Variants in TFAP4 observed in about 807,000 individuals in gnomAD.
The protein encoded by TFAP4 is transcription factor AP-4, also known as activating enhancer-binding protein 4.
In TFAP4, 7 loss-of-function variants were observed where a neutral mutation model predicts 40.4. That is an observed-to-expected ratio of 0.17 (90% confidence interval 0.10 to 0.33). The LOEUF is 0.33. Among genes scored for constraint, TFAP4 ranks in the 10% least tolerant of loss-of-function variants. The pLI, the probability that TFAP4 is intolerant of heterozygous loss-of-function variation, is 1.00. For missense variants in TFAP4, 374 were observed against 451.1 expected (o/e 0.83, Z 1.55); for synonymous variants, 218 against 181.4 (o/e 1.20, Z -1.62).
chr16:4,259,098 G>GA (rs1243088046), intron 6 of TFAP4, among the ~76,000 whole-genome samples: 17 of 145,798 alleles, frequency 1.2e-4, no homozygotes, highest in East Asian at 3.9e-4. Flanking sequence ...CAAAAAAAAA[G>GA]AAAAAAAAAG....
chr16:4,268,317 C>G (rs185079772), intron 1 of TFAP4, among the ~76,000 whole-genome samples: 1 of 152,180 alleles, frequency 6.6e-6, no homozygotes, highest in South Asian at 2.1e-4. Context: ...GTAATCCCAG[C>G]TACTCGGGAG....
chr16:4,257,924 A>G lies in TFAP4; in HGVS notation c.*131T>C. 1.1e-6 allele frequency: 1 copy of G among 875,390 alleles called. No individual in the cohort carries two copies. The allele number at this position is 875,390 out of a possible 1,614,324, so 54.2% of individuals were successfully genotyped here. A position where few individuals can be genotyped will look rare whatever the true frequency, so the allele number is the denominator to read the frequency against. On this transcript the variant is annotated 3_prime_UTR_variant, in exon 7 of 7. Transcript: ENST00000204517. ...AAAGGTCGATTTACAGTATTGAAAA[A>G]GAGGTCATAAAAGAGACCCAAATGA...
intron 1 of TFAP4, 72 bp downstream of exon 1, chr16:4,272,586 G>A (rs1182525332): frequency 7.8e-7 from 1 of 1,275,980 alleles, no homozygotes; most frequent in Non-Finnish European, 1.1e-6. Context: ...GTGCGCACAC[G>A]CGCGCCCGCC....
rs1224449971 is a variant in TFAP4, at chr16:4,257,825, G to A, written c.*230C>T. The A allele has an allele frequency of 2.0e-5, 8 of 408,744 alleles. 1 individual carries two copies. In the South Asian group the frequency reaches 2.3e-4, roughly 12 times the overall value. The allele number at this position is 408,744 out of a possible 1,614,324, so 25.3% of individuals were successfully genotyped here. Reference sequence around the variant, plus strand: ...CTCCAGCCCCCGGGGCCGAGGCCCCGCCCTGGGGTGCCGATGCTCCCACAC... The same window carrying A: ...CTCCAGCCCCCGGGGCCGAGGCCCCACCCTGGGGTGCCGATGCTCCCACAC... On this transcript the variant is annotated 3_prime_UTR_variant, in exon 7 of 7. Transcript: ENST00000204517.
intron 1 of TFAP4, among the ~76,000 whole-genome samples, chr16:4,269,143 C>A (rs1042872051): frequency 2.6e-5 from 4 of 151,862 alleles, no homozygotes; most frequent in Admixed American, 1.3e-4. Context: ...TCCCCTTGGC[C>A]TTCCAAAGCA....
At position 4,257,337 on chromosome 16, in the gene TFAP4, A is replaced by C. The variant is rs1376879978; in HGVS notation, c.*718T>G. ...AAAAAAAAAAAAAAAAGAAAGAAAA[A>C]AAAGAAAAACAAAACAAAAACAGAA... is the stretch of plus-strand genomic sequence containing the variant. On this transcript the variant is annotated 3_prime_UTR_variant, in exon 7 of 7. Coordinates refer to ENST00000204517, the MANE Select transcript of TFAP4 (RefSeq NM_003223.3). 6.6e-6 allele frequency: 1 copy of C among 151,864 alleles called. No individual in the cohort carries two copies. Among genetic ancestry groups the C allele is most frequent in the Admixed American group, 6.6e-5 (1 of 15,226 alleles). The allele number at this position is 151,864 out of a possible 1,614,324, so 9.4% of individuals were successfully genotyped here.
intron 1 of TFAP4, among the ~76,000 whole-genome samples, chr16:4,272,375 T>A (rs912760701): frequency 2.0e-5 from 3 of 152,080 alleles, no homozygotes; most frequent in Non-Finnish European, 2.9e-5. Flanking sequence ...TGGCCGGGAC[T>A]GCTGCAGAAC....
In TFAP4 at chr16:4,260,480, C is replaced by T. The variant is rs1270060753; in HGVS notation, c.641G>A (p.Arg214Gln). The T allele has an allele frequency of 1.1e-5, 17 of 1,601,474 alleles. No homozygotes were observed. Among genetic ancestry groups the T allele is most frequent in the South Asian group, 2.2e-5 (2 of 89,834 alleles). ...CTGGGTCCGCAGCTGCTGCTGTTCC[C>T]GCTCCAGCTTCTCCTGGTGCAGCAG... ...VRLLHQEKLEREQQQLRTQLL... is the reference protein window; with the variant it reads ...VRLLHQEKLEQEQQQLRTQLL... Residue 214 changes from arginine to glutamine, a missense_variant, in exon 5 of 7, where the codon CGG becomes CAG. By Grantham distance (43) the Arg-to-Gln change is conservative. Around this residue, in one of 6 missense-constraint regions of TFAP4, gnomAD observed 161 missense variants for 154.2 expected, o/e 1.04. Coordinates refer to ENST00000204517, the MANE Select transcript of TFAP4 (RefSeq NM_003223.3).
In TFAP4 at chr16:4,257,836, C is replaced by G; in HGVS notation, c.*219G>C. ...GGGGCCGAGGCCCCGCCCTGGGGTG[C>G]CGATGCTCCCACACGCTCTGCGACA... is the stretch of plus-strand genomic sequence containing the variant. On this transcript the variant is annotated 3_prime_UTR_variant, in exon 7 of 7. Coordinates refer to ENST00000204517, the MANE Select transcript of TFAP4 (RefSeq NM_003223.3). The G allele has an allele frequency of 4.3e-6, 2 of 466,114 alleles. No individual in the cohort carries two copies. The highest frequency in any genetic ancestry group is 3.7e-6 in the Non-Finnish European group (1 of 266,792). 28.9% of individuals were successfully genotyped at this position (466,114 alleles called of 1,614,324 possible).
At chr16:4,269,531 T>G (rs1356994003) in intron 1 of TFAP4, among the ~76,000 whole-genome samples, 19 of 105,160 alleles carry the variant, frequency 1.8e-4, no homozygotes, top group East Asian at 3.0e-4. Flanking sequence ...AGATGGAGAG[T>G]CCGGGCACGG....
In TFAP4 at chr16:4,262,422, C is replaced by T. The variant is rs2052957458; in HGVS notation, c.256G>A (p.Ala86Thr). ...PHTDGEKLSK[A>T]AILQQTAEYI... ...TCGGCTGTCTGCTGGAGAATGGCTG[C>T]CTGAGGGCGTGGAAAAGCCGAGAGT... is the stretch of plus-strand genomic sequence containing the variant. Residue 86 changes from alanine to threonine, a missense_variant and splice_region_variant, in exon 3 of 7, where the codon GCA (alanine) becomes ACA (threonine). Coordinates refer to ENST00000204517, the MANE Select transcript of TFAP4 (RefSeq NM_003223.3). The T allele has an allele frequency of 6.2e-7, 1 of 1,614,074 alleles. No homozygotes were observed. Among genetic ancestry groups the T allele is most frequent in the Non-Finnish European group, 8.5e-7 (1 of 1,180,044 alleles).
At chr16:4,262,158 G>A (rs1236634532) in intron 3 of TFAP4, 166 bp downstream of exon 3, 5 of 923,348 alleles carry the variant, frequency 5.4e-6, no homozygotes, top group East Asian at 2.5e-5. Flanking sequence ...CCACTCCACC[G>A]CACTTGACCG....
chr16:4,258,377 G>T, intron 6 of TFAP4, 128 bp from the exon 7 acceptor site: 1 of 861,482 alleles, frequency 1.2e-6, no homozygotes, highest in Non-Finnish European at 1.8e-6. Context: ...TGGCAAAGCA[G>T]CAGGGGAGGC....
In TFAP4 at chr16:4,262,030, A is replaced by G. The variant is rs551291002; in HGVS notation, c.355-81T>C. ...ATTGGGGTTCCATCGCAGCCCCCCA[A>G]AGCTGCCCAACACAGGTGAATCTTC... On this transcript the variant is annotated intron_variant, in intron 3 of 6. Transcript: ENST00000204517. The G allele has an allele frequency of 3.0e-5, 43 of 1,423,552 alleles. No homozygotes were observed. In the African/African-American group the frequency reaches 4.1e-4, roughly 14 times the overall value. 88.2% of individuals were successfully genotyped at this position (1,423,552 alleles called of 1,614,324 possible).
At chr16:4,269,792 AGAGT>A (rs1422654189) in intron 1 of TFAP4, among the ~76,000 whole-genome samples, 2 of 147,988 alleles carry the variant, frequency 1.4e-5, no homozygotes, top group Non-Finnish European at 1.5e-5. Flanking sequence ...CCTGTGCGAC[AGAGT>A]GAGAGTCCAT....
intron 4 of TFAP4, among the ~76,000 whole-genome samples, 196 bp from the exon 5 acceptor site, chr16:4,260,791 C>G (rs1465763000): frequency 6.6e-6 from 1 of 152,184 alleles, no homozygotes. Flanking sequence ...CTGGACCATG[C>G]TCCCTCCTGC....
intron 3 of TFAP4, 47 bp downstream of exon 3, chr16:4,262,277 A>T: frequency 1.3e-6 from 2 of 1,589,010 alleles, no homozygotes; most frequent in Non-Finnish European, 1.7e-6. Context: ...GCTGGGTCCA[A>T]GGCATGCCCA....
chr16:4,272,007 G>A (rs921559113), intron 1 of TFAP4, among the ~76,000 whole-genome samples: 1 of 151,848 alleles, frequency 6.6e-6, no homozygotes, highest in African/African-American at 2.4e-5. Context: ...CAGCGCCCGG[G>A]CGCGGGCGGG....
chr16:4,260,709 C>A lies in TFAP4; in HGVS notation c.526-114G>T. 4.8e-6 allele frequency: 6 copies of A among 1,241,956 alleles called. 1 individual carries two copies. Among genetic ancestry groups the A allele is most frequent in the Non-Finnish European group, 6.4e-6 (6 of 937,478 alleles). The allele number at this position is 1,241,956 out of a possible 1,614,324, so 76.9% of individuals were successfully genotyped here. Reference sequence around the variant, plus strand: ...AAACCCTAGCACAGGGCGGGCCCCTCTCAACAGAGGCCAGAAGCCTTTCCA... The same window carrying A: ...AAACCCTAGCACAGGGCGGGCCCCTATCAACAGAGGCCAGAAGCCTTTCCA... On this transcript the variant is annotated intron_variant, in intron 4 of 6. Coordinates refer to ENST00000204517, the MANE Select transcript of TFAP4 (RefSeq NM_003223.3).
Sources: gnomAD v4.1 joint callset for allele counts (sites outside exome capture counted in the v4.1 genomes callset) on GRCh38, gnomAD v4.1.1 for gene constraint, gnomAD v4.1.1 regional missense constraint, MANE v1.5 for transcripts, NCBI Gene and HGNC (gene_info 2026-07-23, HGNC 2026-07-21) for gene names.